KIAA0513: variants seen among roughly 807,000 people sequenced by gnomAD.
KIAA0513 encodes KIAA0513, also known as uncharacterized protein KIAA0513.
KIAA0513 carries 39 observed loss-of-function variants against 56.5 expected under a neutral mutation model. The observed-to-expected ratio is 0.69, with a 90% CI of 0.53 to 0.90. The LOEUF (loss-of-function observed/expected upper bound fraction) is 0.90. Ranked by LOEUF, KIAA0513 falls within the 40% of genes least tolerant of loss-of-function variation. KIAA0513 has a pLI of 0.00. For missense variants in KIAA0513, 591 were observed against 535.2 expected, an observed-to-expected ratio of 1.10 and a Z score of -1.03; for synonymous variants, 268 against 215.6, an observed-to-expected ratio of 1.24 and a Z score of -2.13.
At chr16:85,073,314 G>A (rs965539060) in intron 4 of KIAA0513, among the ~76,000 whole-genome samples, 2 of 152,176 alleles carry the variant, frequency 1.3e-5, no homozygotes, top group Non-Finnish European at 2.9e-5. Flanking sequence ...GGGAGATCTG[G>A]TACTTTCCCG....
At chr16:85,054,423 T>TC (rs1415658477) in intron 1 of KIAA0513, among the ~76,000 whole-genome samples, 1 of 60,626 alleles carries the variant, frequency 1.6e-5, no homozygotes, top group Non-Finnish European at 3.2e-5. Context: ...TTTCTTTTCT[T>TC]TTTTTTTTTT....
At chr16:85,040,131 G>A (rs1311180356) in intron 1 of KIAA0513, among the ~76,000 whole-genome samples, 1 of 152,204 alleles carries the variant, frequency 6.6e-6, no homozygotes, top group Non-Finnish European at 1.5e-5. Context: ...ACCGTGCCCG[G>A]CCAGAGAAGG....
intron 1 of KIAA0513, among the ~76,000 whole-genome samples, chr16:85,034,920 C>T (rs575923785): frequency 2.0e-5 from 3 of 152,324 alleles, no homozygotes; most frequent in South Asian, 2.1e-4. Context: ...CCCTGTGCTG[C>T]CTCTCCTGAG....
At chr16:85,073,339 A>G (rs2073607395) in intron 4 of KIAA0513, among the ~76,000 whole-genome samples, 1 of 152,184 alleles carries the variant, frequency 6.6e-6, no homozygotes. Flanking sequence ...CCTATTGTAG[A>G]GTACTTCAAA....
In KIAA0513 at chr16:85,027,824, C is replaced by T. The variant is rs2072908368; in HGVS notation, c.-207C>T. On this transcript the variant is annotated 5_prime_UTR_variant, in exon 1 of 13. Transcript: ENST00000683363. ...TCGCCGCAGCAGCCGAGTCTGACGG[C>T]GCCGGTTCGCTGCCCGGTCCGCCCG... The T allele has an allele frequency of 6.6e-6, 1 of 152,192 alleles. No homozygotes were observed. The highest frequency in any genetic ancestry group is 2.1e-4 in the South Asian group (1 of 4,830). 9.4% of individuals were successfully genotyped at this position (152,192 alleles called of 1,614,324 possible). A position where few individuals can be genotyped will look rare whatever the true frequency, so the allele number is the denominator to read the frequency against.
intron 1 of KIAA0513, among the ~76,000 whole-genome samples, chr16:85,028,163 G>A (rs1027683978): frequency 1.3e-5 from 2 of 152,200 alleles, no homozygotes; most frequent in African/African-American, 2.4e-5. Context: ...AGTGCAACCC[G>A]GGCCGCTGCC....
chr16:85,070,313 A>T (rs1369309462), intron 2 of KIAA0513, among the ~76,000 whole-genome samples: 2 of 152,056 alleles, frequency 1.3e-5, no homozygotes, highest in African/African-American at 4.8e-5. Flanking sequence ...TTTGATGGAG[A>T]CCAGCCTCAG....
At chr16:85,072,365 TACTC>T (rs1433007508) in intron 3 of KIAA0513, among the ~76,000 whole-genome samples, 2 of 152,338 alleles carry the variant, frequency 1.3e-5, no homozygotes, top group East Asian at 3.9e-4. Flanking sequence ...TAACCCATAA[TACTC>T]AGTGTTTTGT....
intron 1 of KIAA0513, among the ~76,000 whole-genome samples, chr16:85,037,378 C>G (rs553554532): frequency 1.3e-5 from 2 of 152,148 alleles, no homozygotes; most frequent in South Asian, 4.1e-4. Flanking sequence ...TCGGGTGAAC[C>G]TAGGACGCTA....
chr16:85,038,554 A>G (rs1323176646), intron 1 of KIAA0513, among the ~76,000 whole-genome samples: 1 of 152,020 alleles, frequency 6.6e-6, no homozygotes, highest in Non-Finnish European at 1.5e-5. Flanking sequence ...TAAAAAGACA[A>G]AAAGATAGCT....
chr16:85,058,667 A>G (rs28558135), intron 1 of KIAA0513, among the ~76,000 whole-genome samples: 1 of 151,550 alleles, frequency 6.6e-6, no homozygotes, highest in African/African-American at 2.4e-5. Flanking sequence ...AAAAAAAAAA[A>G]ACACACAAGA....
intron 4 of KIAA0513, among the ~76,000 whole-genome samples, chr16:85,074,645 T>A (rs916320755): frequency 6.6e-6 from 1 of 152,200 alleles, no homozygotes; most frequent in African/African-American, 2.4e-5. Flanking sequence ...CCCTCTGAGG[T>A]CTGGCCTTCA....
At position 85,077,358 on chromosome 16, in the gene KIAA0513, G is replaced by T. The variant is rs567475408; in HGVS notation, c.575-67G>T. On this transcript the variant is annotated intron_variant, in intron 5 of 12. Coordinates refer to ENST00000683363, the MANE Select transcript of KIAA0513 (RefSeq NM_001388359.1). ...AGGACCCCTGCGGGGCTCCCTCTGGGCCTCTGCAGTTAGCAGGCGCATACC... is the reference window on the plus strand; with the variant it reads ...AGGACCCCTGCGGGGCTCCCTCTGGTCCTCTGCAGTTAGCAGGCGCATACC... 930 of 1,473,426 alleles carry T rather than the reference G, an allele frequency of 6.3e-4. 6 individuals carry two copies. Among genetic ancestry groups the T allele is most frequent in the South Asian group, 5.1e-3 (420 of 82,298 alleles). The allele number at this position is 1,473,426 out of a possible 1,614,324, so 91.3% of individuals were successfully genotyped here.
chr16:85,068,960 C>G (rs994921128), intron 2 of KIAA0513, among the ~76,000 whole-genome samples: 2 of 152,148 alleles, frequency 1.3e-5, no homozygotes, highest in Non-Finnish European at 2.9e-5. Context: ...TGCAATGATT[C>G]ACTGAAATTA....
chr16:85,040,751 A>C (rs2073094709), intron 1 of KIAA0513, among the ~76,000 whole-genome samples: 1 of 152,124 alleles, frequency 6.6e-6, no homozygotes, highest in African/African-American at 2.4e-5. Context: ...CTGCAGCCAA[A>C]GCGTTTTGAG....
At chr16:85,048,791 A>ATG (rs2073207056) in intron 1 of KIAA0513, among the ~76,000 whole-genome samples, 7 of 152,230 alleles carry the variant, frequency 4.6e-5, no homozygotes, top group Admixed American at 4.6e-4. Context: ...ATTGTTAAAC[A>ATG]TGTATCAACC....
chr16:85,064,522 AGT>A (rs1376993608), intron 1 of KIAA0513, among the ~76,000 whole-genome samples: 1 of 152,218 alleles, frequency 6.6e-6, no homozygotes, highest in Non-Finnish European at 1.5e-5. Flanking sequence ...CTATTCCAGC[AGT>A]GTTTGAGAAT....
chr16:85,066,406 A>T (rs1037820503), intron 1 of KIAA0513, among the ~76,000 whole-genome samples: 1 of 152,172 alleles, frequency 6.6e-6, no homozygotes, highest in Non-Finnish European at 1.5e-5. Context: ...GGATGCTGAG[A>T]GGAGATAGAC....
chr16:85,074,341 C>G (rs946602910), intron 4 of KIAA0513, among the ~76,000 whole-genome samples: 1 of 122,608 alleles, frequency 8.2e-6, no homozygotes, highest in African/African-American at 3.2e-5. Flanking sequence ...TATATACACA[C>G]ATACACACAC....
Sources: gnomAD v4.1 joint callset for allele counts (sites outside exome capture counted in the v4.1 genomes callset) on GRCh38, gnomAD v4.1.1 for gene constraint, MANE v1.5 for transcripts, NCBI Gene and HGNC (gene_info 2026-07-23, HGNC 2026-07-21) for gene names.